SLC24A2: variants seen among roughly 807,000 people sequenced by gnomAD.
SLC24A2 encodes solute carrier family 24 member 2.
SLC24A2 carries 36 observed loss-of-function variants against 62.0 expected under a neutral mutation model. The ratio of observed to expected loss-of-function variants is 0.58; its 90% confidence interval spans 0.44 to 0.77. The LOEUF is 0.77. Ranked by LOEUF, SLC24A2 falls within the 30% of genes least tolerant of loss-of-function variation. The probability of loss-of-function intolerance (pLI) is 0.00; values close to 1 mark genes in which losing one functional copy is unlikely to be tolerated. For synonymous variants in SLC24A2, 358 were observed against 294.0 expected, an observed-to-expected ratio of 1.22 and a Z score of -2.23; for missense variants, 846 against 817.9, an observed-to-expected ratio of 1.03 and a Z score of -0.42.
chr9:19,699,182 A>G (rs192047216), intron 2 of SLC24A2, among the ~76,000 whole-genome samples: 1 of 152,274 alleles, frequency 6.6e-6, no homozygotes, highest in Admixed American at 6.5e-5. Flanking sequence ...GTCTCTGAGT[A>G]CTGTGTTAGC....
intron 2 of SLC24A2, among the ~76,000 whole-genome samples, chr9:19,633,672 C>G (rs1818233139): frequency 6.6e-6 from 1 of 152,142 alleles, no homozygotes; most frequent in African/African-American, 2.4e-5. Flanking sequence ...GCAGTATTAG[C>G]ATGAGTTTCT....
At chr9:19,945,645 T>C in the SLC24A2 span, among the ~76,000 whole-genome samples, 1 of 152,086 alleles carries the variant, frequency 6.6e-6, no homozygotes, top group African/African-American at 2.4e-5. Flanking sequence ...CTCACGATAC[T>C]CCTTTGAATT....
the SLC24A2 span, among the ~76,000 whole-genome samples, chr9:20,089,617 G>A: frequency 6.6e-6 from 1 of 151,998 alleles, no homozygotes. Context: ...CACCCAGAGT[G>A]AACATGCCCA....
the SLC24A2 span, among the ~76,000 whole-genome samples, chr9:19,833,660 GACAA>G: frequency 6.6e-6 from 1 of 152,258 alleles, no homozygotes; most frequent in Non-Finnish European, 1.5e-5. Context: ...GCACAGCACA[GACAA>G]ACAAAAGACA....
Position 19,599,707 on chromosome 9 carries a change from C to T in SLC24A2, c.1079-2428G>A, listed in dbSNP as rs116298634. On this transcript the variant is annotated intron_variant, in intron 4 of 10. Coordinates refer to ENST00000341998, the MANE Select transcript of SLC24A2 (RefSeq NM_020344.4). The surrounding 1 kb of genome is among the most constrained non-coding windows in gnomAD (Gnocchi z 4.5). Reference sequence around the variant, plus strand: ...GTGCAGAAAGAGAAATGACATGCGACTAGGACAAAAAGCATGCATGCATAA... The same window carrying T: ...GTGCAGAAAGAGAAATGACATGCGATTAGGACAAAAAGCATGCATGCATAA... 0.015 allele frequency among the ~76,000 whole-genome samples: 2,287 copies of T among 152,232 alleles called. 61 individuals carry two copies. Among genetic ancestry groups the T allele is most frequent in the African/African-American group, 0.053 (2,188 of 41,510 alleles).
At chr9:20,075,609 G>T in the SLC24A2 span, among the ~76,000 whole-genome samples, 1 of 152,110 alleles carries the variant, frequency 6.6e-6, no homozygotes, top group Non-Finnish European at 1.5e-5. Context: ...ATGGCTTGTA[G>T]GTGTGGGTTC....
chr9:20,223,962 C>G, the SLC24A2 span, among the ~76,000 whole-genome samples: 230 of 152,066 alleles, frequency 1.5e-3, 1 homozygote, highest in African/African-American at 5.3e-3. Flanking sequence ...ACCTTCTTCA[C>G]GTGGAAACAG....
At chr9:19,737,237 G>A (rs1821536790) in intron 2 of SLC24A2, among the ~76,000 whole-genome samples, 1 of 152,166 alleles carries the variant, frequency 6.6e-6, no homozygotes. Context: ...ATAAATTTAA[G>A]AAGCTAAGAA....
At chr9:19,953,047 T>C in the SLC24A2 span, among the ~76,000 whole-genome samples, 1 of 152,036 alleles carries the variant, frequency 6.6e-6, no homozygotes, top group African/African-American at 2.4e-5. Context: ...CAATTTATTA[T>C]TCATAACATT....
At chr9:19,700,268 GAAGGTGGATGTGAACTA>G (rs1408008461) in intron 2 of SLC24A2, among the ~76,000 whole-genome samples, 4 of 152,082 alleles carry the variant, frequency 2.6e-5, no homozygotes, top group Non-Finnish European at 5.9e-5. Context: ...GGCTTCTTCA[GAAGGTGGATGTGAACTA>G]AACACCTTTT....
At chr9:19,544,592 GTTTC>G (rs1323578144) in intron 8 of SLC24A2, among the ~76,000 whole-genome samples, 2 of 152,116 alleles carry the variant, frequency 1.3e-5, no homozygotes, top group African/African-American at 4.8e-5. Context: ...CATGTTTAGT[GTTTC>G]CTTCAGGAGC....
chr9:20,044,751 T>C, the SLC24A2 span, among the ~76,000 whole-genome samples: 1 of 152,200 alleles, frequency 6.6e-6, no homozygotes, highest in African/African-American at 2.4e-5. Context: ...TCCTATTTTT[T>C]TGTTTGTTTC....
intron 2 of SLC24A2, among the ~76,000 whole-genome samples, chr9:19,774,185 C>G (rs2118903590): frequency 6.6e-6 from 1 of 152,236 alleles, no homozygotes; most frequent in East Asian, 1.9e-4. Context: ...AGAAGTGTAT[C>G]TTTGGTGGGT....
At chr9:19,712,403 A>G (rs193052684) in intron 2 of SLC24A2, among the ~76,000 whole-genome samples, 6 of 152,332 alleles carry the variant, frequency 3.9e-5, no homozygotes, top group Admixed American at 3.9e-4. Context: ...GTTTGAATGT[A>G]CTTTTCAGGT....
chr9:19,851,676 G>C, the SLC24A2 span, among the ~76,000 whole-genome samples: 1 of 152,130 alleles, frequency 6.6e-6, no homozygotes, highest in African/African-American at 2.4e-5. Flanking sequence ...TTTTATGGCT[G>C]CATAGTATTC....
the SLC24A2 span, among the ~76,000 whole-genome samples, chr9:20,019,163 G>GAGAGAGAC: frequency 6.4e-5 from 8 of 125,888 alleles, no homozygotes; most frequent in Non-Finnish European, 1.2e-4. Context: ...GAAAGAGAGA[G>GAGAGAGAC]AGACAGAAAG....
chr9:19,599,669 A>T lies in SLC24A2; in HGVS notation c.1079-2390T>A, dbSNP rs2132906803. Among the ~76,000 whole-genome samples the T allele has an allele frequency of 6.6e-6, 1 of 152,306 alleles. No individual in the cohort carries two copies. On this transcript the variant is annotated intron_variant, in intron 4 of 10. Transcript: ENST00000341998. This position sits in a 1 kb window ranked among gnomAD's most constrained non-coding sequence, Gnocchi z 4.5. Reference sequence around the variant, plus strand: ...GCCACAAGGCCCTCCTCCCTGAAGCAGGGACTCAGGAGGTGCAGAAAGAGA... The same window carrying T: ...GCCACAAGGCCCTCCTCCCTGAAGCTGGGACTCAGGAGGTGCAGAAAGAGA...
At chr9:20,124,430 C>G in the SLC24A2 span, among the ~76,000 whole-genome samples, 2 of 152,056 alleles carry the variant, frequency 1.3e-5, no homozygotes, top group Non-Finnish European at 2.9e-5. Context: ...AAAGCTTGCT[C>G]ATTATAAAAA....
At chr9:20,180,099 T>C in the SLC24A2 span, among the ~76,000 whole-genome samples, 4 of 152,218 alleles carry the variant, frequency 2.6e-5, no homozygotes, top group East Asian at 1.9e-4. Flanking sequence ...GAGTGTGGTA[T>C]AAGAAACAAG....
Sources: gnomAD v4.1 joint callset for allele counts (sites outside exome capture counted in the v4.1 genomes callset) on GRCh38, gnomAD v4.1.1 for gene constraint, Gnocchi (gnomAD v3.1) non-coding constraint, MANE v1.5 for transcripts, NCBI Gene and HGNC (gene_info 2026-07-23, HGNC 2026-07-21) for gene names.